Variants in EDRF1 observed in about 807,000 individuals in gnomAD.
EDRF1 encodes erythroid differentiation-related factor 1.
In EDRF1, 69 loss-of-function variants were observed where a neutral mutation model predicts 148.7. The ratio of observed to expected loss-of-function variants is 0.46; its 90% CI spans 0.38 to 0.57. EDRF1 has a LOEUF of 0.57. Ranked by LOEUF, EDRF1 falls within the 20% of genes least tolerant of loss-of-function variation. EDRF1 has a pLI of 0.00. For synonymous variants in EDRF1, 515 were observed against 532.8 expected (o/e 0.97, Z 0.46); for missense variants, 1,118 against 1,478.7 (o/e 0.76, Z 4.00).
chr10:125,747,404 A>T, intron 19 of EDRF1, 132 bp from the exon 20 acceptor site: 2 of 1,037,714 alleles, frequency 1.9e-6, no homozygotes, highest in Non-Finnish European at 2.9e-6. Flanking sequence ...ATTTCCTCAT[A>T]ATATTGTCTC....
intron 6 of EDRF1, among the ~76,000 whole-genome samples, chr10:125,726,651 C>T (rs982971537): frequency 1.3e-5 from 2 of 152,180 alleles, no homozygotes; most frequent in African/African-American, 2.4e-5. Context: ...TCACAAATTA[C>T]AGGGAGCAGA....
intron 2 of EDRF1, 77 bp downstream of exon 2, chr10:125,721,489 T>G: frequency 7.6e-7 from 1 of 1,318,290 alleles, no homozygotes; most frequent in East Asian, 2.3e-5. Context: ...AAATTCAGTT[T>G]GTAATGCCTA....
At chr10:125,738,522 A>T in intron 15 of EDRF1, 77 bp downstream of exon 15, 3 of 1,554,170 alleles carry the variant, frequency 1.9e-6, no homozygotes, top group Non-Finnish European at 2.7e-6. Flanking sequence ...GACTTATGTC[A>T]ATTAAGGCAT....
intron 12 of EDRF1, among the ~76,000 whole-genome samples, chr10:125,735,136 A>G (rs936249676): frequency 1.3e-5 from 2 of 152,158 alleles, no homozygotes; most frequent in Admixed American, 6.6e-5. Context: ...TTAAATGGTC[A>G]TATATAAATG....
chr10:125,722,820 T>G (rs556223924), intron 2 of EDRF1, among the ~76,000 whole-genome samples: 15 of 152,344 alleles, frequency 9.8e-5, no homozygotes, highest in South Asian at 6.2e-4. Context: ...TACTGGATGC[T>G]TCTAATGATT....
chr10:125,762,318 C>A (rs570205248), intron 24 of EDRF1, among the ~76,000 whole-genome samples: 1 of 152,252 alleles, frequency 6.6e-6, no homozygotes, highest in African/African-American at 2.4e-5. Context: ...AAACTGTTAA[C>A]CCTTCTGGGC....
At chr10:125,724,313 C>T (rs183964931) in intron 4 of EDRF1, among the ~76,000 whole-genome samples, 25 of 152,326 alleles carry the variant, frequency 1.6e-4, no homozygotes, top group East Asian at 1.9e-4. Context: ...ATATTAGAAG[C>T]TGTTCCTATG....
At chr10:125,749,841 C>T in intron 22 of EDRF1, 2 of 426,678 alleles carry the variant, frequency 4.7e-6, no homozygotes, top group Non-Finnish European at 8.7e-6. Context: ...TAAATTTAGA[C>T]AGTTAAAGAA....
At chr10:125,759,075 C>A (rs941532906) in intron 24 of EDRF1, among the ~76,000 whole-genome samples, 2 of 152,136 alleles carry the variant, frequency 1.3e-5, no homozygotes, top group African/African-American at 4.8e-5. Context: ...GCTGCTGTTA[C>A]CCTGTCATAG....
Position 125,763,886 on chromosome 10 carries a change from T to G in EDRF1, c.*414T>G, listed in dbSNP as rs974304957. 3 of 232,836 alleles carry G rather than the reference T, an allele frequency of 1.3e-5. No individual in the cohort carries two copies. The highest frequency in any genetic ancestry group is 6.9e-5 in the African/African-American group (3 of 43,466). The allele number at this position is 232,836 out of a possible 1,614,324, so 14.4% of individuals were successfully genotyped here. On this transcript the variant is annotated 3_prime_UTR_variant, in exon 25 of 25. Coordinates refer to ENST00000356792, the MANE Select transcript of EDRF1 (RefSeq NM_001202438.2). The surrounding 1 kb of genome is among the most constrained non-coding windows in gnomAD (Gnocchi z 4.3). ...CAGGTTCAAGTGGGTTAAGGAGACC[T>G]CCTGTACATCTACAGTGTTTCCTTT...
chr10:125,755,469 G>A (rs1248158638), intron 24 of EDRF1, among the ~76,000 whole-genome samples: 1 of 152,170 alleles, frequency 6.6e-6, no homozygotes, highest in Non-Finnish European at 1.5e-5. Flanking sequence ...TTCTTATAAT[G>A]GGTTTGTGTG....
At position 125,725,404 on chromosome 10, in the gene EDRF1, G is replaced by T; in HGVS notation, c.597G>T (p.Trp199Cys). The T allele has an allele frequency of 6.2e-7, 1 of 1,613,968 alleles. No individual in the cohort carries two copies. The highest frequency in any genetic ancestry group is 8.5e-7 in the Non-Finnish European group (1 of 1,179,936). ...GGAAGAAAAAGAGCAAAGAGCACTG[G>T]TATCAAAAGGCAATTCTTTCCAAGT... ...WQRKKKSKEH[W>C]YQKAILSKFL... is the part of the protein sequence containing the mutation. The change falls in exon 5 of 25, where the codon TGG (tryptophan) becomes TGT (cysteine). Residue 199 changes from tryptophan (W) to cysteine (C), a missense_variant. By Grantham distance (215) the Trp-to-Cys change is radical. Transcript: ENST00000356792.
chr10:125,747,841 T>C (rs1849439541), intron 20 of EDRF1, 22 bp from the exon 21 acceptor site: 1 of 1,613,540 alleles, frequency 6.2e-7, no homozygotes, highest in African/African-American at 1.3e-5. Context: ...TATTTTTTTC[T>C]TCCCCCTCAA....
chr10:125,740,431 G>A (rs538918255), intron 15 of EDRF1, 32 bp from the exon 16 acceptor site: 1 of 1,607,684 alleles, frequency 6.2e-7, no homozygotes, highest in Non-Finnish European at 8.5e-7. Context: ...CAAATGAAAT[G>A]TGCTGTCTTT....
chr10:125,745,819 T>A lies in EDRF1; in HGVS notation c.2703T>A (p.Leu901=). 6.2e-7 allele frequency: 1 copy of A among 1,614,234 alleles called. No homozygotes were observed. The highest frequency in any genetic ancestry group is 8.5e-7 in the Non-Finnish European group (1 of 1,180,042). Residue 901 remains leucine, a synonymous_variant, in exon 19 of 25, where the codon CTT becomes CTA. Transcript: ENST00000356792. ...ESIEDATNAA[L]LLCNTGRLMR... Reference sequence around the variant, plus strand: ...TTGAGGATGCCACCAATGCCGCCCTTTTATTATGTAACACGGGAAGGCTCA... The same window carrying A: ...TTGAGGATGCCACCAATGCCGCCCTATTATTATGTAACACGGGAAGGCTCA...
intron 21 of EDRF1, 187 bp from the exon 22 acceptor site, chr10:125,749,225 G>T: frequency 1.6e-6 from 1 of 622,212 alleles, no homozygotes; most frequent in Non-Finnish European, 2.8e-6. Flanking sequence ...TCCAGCCTGG[G>T]CGACAGAGCG....
intron 4 of EDRF1, among the ~76,000 whole-genome samples, chr10:125,724,917 G>A (rs1039142178): frequency 6.6e-6 from 1 of 152,174 alleles, no homozygotes; most frequent in Non-Finnish European, 1.5e-5. Context: ...AAAGACCACC[G>A]TTTAGTTCAT....
chr10:125,747,979 G>A lies in EDRF1; in HGVS notation c.3090G>A (p.Leu1030=). ...GAGCTGCAACCATCCATCACAGGCTGGCCTCCATGTACCACAGCTGTCTGA... is the reference window on the plus strand; with the variant it reads ...GAGCTGCAACCATCCATCACAGGCTAGCCTCCATGTACCACAGCTGTCTGA... ...QYRAATIHHR[L]ASMYHSCLRN... The change falls in exon 21 of 25, where the codon CTG becomes CTA. Residue 1030 remains leucine (L), a synonymous_variant. Transcript: ENST00000356792. 6.2e-7 allele frequency: 1 copy of A among 1,614,172 alleles called. No individual in the cohort carries two copies. The highest frequency in any genetic ancestry group is 8.5e-7 in the Non-Finnish European group (1 of 1,180,042).
At chr10:125,725,268 T>C (rs2133671846) in intron 4 of EDRF1, 50 bp from the exon 5 acceptor site, 1 of 1,610,410 alleles carries the variant, frequency 6.2e-7, no homozygotes. Context: ...TAGGTAACAT[T>C]GTTTCGACTA....
Sources: gnomAD v4.1 joint callset for allele counts (sites outside exome capture counted in the v4.1 genomes callset) on GRCh38, gnomAD v4.1.1 for gene constraint, Gnocchi (gnomAD v3.1) non-coding constraint, MANE v1.5 for transcripts, NCBI Gene and HGNC (gene_info 2026-07-23, HGNC 2026-07-21) for gene names.